RCBTB1: variants seen among roughly 807,000 people sequenced by gnomAD.
RCBTB1 encodes the protein RCC1 and BTB domain-containing protein 1.
RCBTB1 carries 46 observed loss-of-function variants against 62.4 expected under a neutral mutation model. The ratio of observed to expected loss-of-function variants is 0.74; its 90% CI spans 0.58 to 0.94. The LOEUF is 0.94. RCBTB1 is among the 40% of genes least tolerant of loss of function. The probability of loss-of-function intolerance (pLI) is 0.00; values close to 1 mark genes in which losing one functional copy is unlikely to be tolerated. For synonymous variants in RCBTB1, 222 were observed against 245.8 expected, an observed-to-expected ratio of 0.90 and a Z score of 0.91; for missense variants, 565 against 654.9, an observed-to-expected ratio of 0.86 and a Z score of 1.50.
chr13:49,575,990 T>C (rs1395825322), intron 2 of RCBTB1, among the ~76,000 whole-genome samples: 1 of 151,822 alleles, frequency 6.6e-6, no homozygotes, highest in Non-Finnish European at 1.5e-5. Context: ...ATCGAGACCA[T>C]CCTGGCTAAC....
Position 49,534,212 on chromosome 13 carries a change from A to C in RCBTB1, c.1506T>G (p.Val502=). 6.2e-7 allele frequency: 1 copy of C among 1,614,156 alleles called. No individual in the cohort carries two copies. The highest frequency in any genetic ancestry group is 8.5e-7 in the Non-Finnish European group (1 of 1,179,986). The stretch of plus-strand genomic sequence containing the variant: ...TTTGCCAAAATGCTGCAGTCTGTGT[A>C]ACTTCTGTCAAATGATTGATGCAAA... The part of the protein sequence containing the change: ...FKFCINHLTE[V]TQTAAFWQMD... Residue 502 remains valine, a synonymous_variant, in exon 13 of 13, where the codon GTT becomes GTG. Transcript: ENST00000378302.
chr13:49,565,454 G>A (rs1301698574), intron 4 of RCBTB1, among the ~76,000 whole-genome samples: 1 of 151,356 alleles, frequency 6.6e-6, no homozygotes, highest in Non-Finnish European at 1.5e-5. Flanking sequence ...GGGAAGTGAG[G>A]AGCGTCTCTG....
chr13:49,559,655 CA>C (rs11458278), intron 5 of RCBTB1, among the ~76,000 whole-genome samples: 51 of 103,916 alleles, frequency 4.9e-4, no homozygotes, highest in Middle Eastern at 4.7e-3. Flanking sequence ...GACTCCATCT[CA>C]AAAAAAAAAA....
chr13:49,569,209 T>C (rs1272858737), intron 2 of RCBTB1, among the ~76,000 whole-genome samples: 1 of 152,156 alleles, frequency 6.6e-6, no homozygotes, highest in South Asian at 2.1e-4. Context: ...TACTGGATCA[T>C]TGTTCTTTTT....
chr13:49,582,008 A>T (rs898274992), intron 1 of RCBTB1, among the ~76,000 whole-genome samples: 1 of 152,284 alleles, frequency 6.6e-6, no homozygotes, highest in African/African-American at 2.4e-5. Context: ...GAGAAATCGC[A>T]TAGTAATCAC....
rs1410419119 is a variant in RCBTB1 at position 49,538,675 on chromosome 13, C to G, written c.1455+2201G>C. Among the ~76,000 whole-genome samples, 3 of 151,790 alleles carry G rather than the reference C, an allele frequency of 2.0e-5. No homozygotes were observed. The South Asian group carries it at 6.2e-4, about 32-fold the overall frequency. ...AGGCTACAGTGAGCTGTGATCACAC[C>G]ACTGTGCTTCAGCCTGGGCAACAGA... On this transcript the variant is annotated intron_variant, in intron 12 of 12. Transcript: ENST00000378302.
Position 49,562,405 on chromosome 13 carries a change from T to C in RCBTB1, c.278-2321A>G, listed in dbSNP as rs762983971. 6.6e-5 allele frequency among the ~76,000 whole-genome samples: 10 copies of C among 151,582 alleles called. 1 individual carries two copies. The highest frequency in any genetic ancestry group is 4.2e-4 in the South Asian group (2 of 4,806). On this transcript the variant is annotated intron_variant, in intron 4 of 12. Transcript: ENST00000378302. ...ACTTTTGGAAGCTGAGGTGGGAGGA[T>C]TGCTTGAGCCCAGGAGGTTACAGGT... is the stretch of plus-strand genomic sequence containing the variant.
At position 49,534,645 on chromosome 13, in the gene RCBTB1, C is replaced by T. The variant is rs919250804; in HGVS notation, c.1456-383G>A. ...TTAGTCTGCAGAATGTGTTTTGTCACGTTCAAGACATCAGAGAAAAGAATT... is the reference window on the plus strand; with the variant it reads ...TTAGTCTGCAGAATGTGTTTTGTCATGTTCAAGACATCAGAGAAAAGAATT... On this transcript the variant is annotated intron_variant, in intron 12 of 12. Transcript: ENST00000378302. Among the ~76,000 whole-genome samples the T allele has an allele frequency of 3.9e-5, 6 of 152,106 alleles. 1 individual carries two copies. The South Asian group carries it at 1.0e-3, about 26-fold the overall frequency.
chr13:49,539,968 T>C (rs551467623), intron 12 of RCBTB1, among the ~76,000 whole-genome samples: 63 of 152,346 alleles, frequency 4.1e-4, no homozygotes, highest in Non-Finnish European at 7.5e-4. Context: ...AACTCCTTGA[T>C]ACCAGATATT....
chr13:49,547,317 G>A (rs1960880858), intron 9 of RCBTB1: 7 of 490,716 alleles, frequency 1.4e-5, no homozygotes, highest in South Asian at 1.2e-4. Flanking sequence ...TCACCTAATT[G>A]GGACAACTCC....
chr13:49,557,841 G>C (rs1962068418), intron 5 of RCBTB1, among the ~76,000 whole-genome samples: 1 of 152,130 alleles, frequency 6.6e-6, no homozygotes, highest in Non-Finnish European at 1.5e-5. Flanking sequence ...TTATGCTAGA[G>C]AGAGAGTGCA....
rs749581155 is a variant in RCBTB1, at chr13:49,567,175, C to G, written c.105G>C (p.Leu35=). 6.2e-7 allele frequency: 1 copy of G among 1,614,094 alleles called. No homozygotes were observed. The highest frequency in any genetic ancestry group is 8.5e-7 in the Non-Finnish European group (1 of 1,179,976). The change falls in exon 3 of 13, where the codon CTG becomes CTC. Residue 35 remains leucine (L), a synonymous_variant. Coordinates refer to ENST00000378302, the MANE Select transcript of RCBTB1 (RefSeq NM_018191.4). ...CVFGTSASEA[L]YVTDNDEVFV... ...TTACCTCATCATTGTCAGTAACGTA[C>G]AGTGCTTCACTGGCTGAGGTGCCGA... is the stretch of plus-strand genomic sequence containing the variant.
At chr13:49,566,849 A>T in intron 3 of RCBTB1, 81 bp from the exon 4 acceptor site, 1 of 1,325,036 alleles carries the variant, frequency 7.5e-7, no homozygotes, top group South Asian at 1.4e-5. Flanking sequence ...TGAAAATAAG[A>T]CATTTCAACT....
At chr13:49,551,106 G>A (rs934751956) in intron 8 of RCBTB1, 22 of 472,524 alleles carry the variant, frequency 4.7e-5, no homozygotes, top group Non-Finnish European at 8.2e-5. Flanking sequence ...CTCAAAAAAG[G>A]GAAGGGAAGG....
At chr13:49,568,460 G>T (rs1205076068) in intron 2 of RCBTB1, among the ~76,000 whole-genome samples, 1 of 152,090 alleles carries the variant, frequency 6.6e-6, no homozygotes, top group Non-Finnish European at 1.5e-5. Flanking sequence ...ACTGTTACTA[G>T]CTATTAATAT....
At chr13:49,581,235 G>C (rs2137400523) in intron 1 of RCBTB1, among the ~76,000 whole-genome samples, 1 of 152,106 alleles carries the variant, frequency 6.6e-6, no homozygotes, top group East Asian at 1.9e-4. Flanking sequence ...AGATGGCTAT[G>C]GTAAGCCAGA....
At chr13:49,558,842 G>C (rs184750723) in intron 5 of RCBTB1, among the ~76,000 whole-genome samples, 1 of 152,044 alleles carries the variant, frequency 6.6e-6, no homozygotes, top group Non-Finnish European at 1.5e-5. Context: ...GGTGCCCCTT[G>C]TAATTTTTGC....
intron 2 of RCBTB1, among the ~76,000 whole-genome samples, chr13:49,571,411 T>C (rs190469309): frequency 6.6e-6 from 1 of 152,334 alleles, no homozygotes; most frequent in East Asian, 1.9e-4. Context: ...TGCCTAGATT[T>C]GCCTGGTTAA....
rs1959655435 is a variant in RCBTB1, at chr13:49,532,779, A to G, written c.*1343T>C. 6.6e-6 allele frequency: 1 copy of G among 152,032 alleles called. No homozygotes were observed. The highest frequency in any genetic ancestry group is 1.5e-5 in the Non-Finnish European group (1 of 68,010). The allele number at this position is 152,032 out of a possible 1,614,324, so 9.4% of individuals were successfully genotyped here. On this transcript the variant is annotated 3_prime_UTR_variant, in exon 13 of 13. Transcript: ENST00000378302. ...AATGTATTCAGGCTCCAGGTTCAGA[A>G]GAGAGACTTTCCAAGCAGGAGACAA...
Sources: gnomAD v4.1 joint callset for allele counts (sites outside exome capture counted in the v4.1 genomes callset) on GRCh38, gnomAD v4.1.1 for gene constraint, MANE v1.5 for transcripts, NCBI Gene and HGNC (gene_info 2026-07-23, HGNC 2026-07-21) for gene names.